Variants in GRID2 observed in about 807,000 individuals in gnomAD.
GRID2 encodes the protein glutamate receptor ionotropic, delta-2.
GRID2 carries 33 observed loss-of-function variants against 114.8 expected under a neutral mutation model. That is an observed-to-expected ratio of 0.29 (90% CI 0.22 to 0.38). GRID2 has a LOEUF of 0.38. Among genes scored for constraint, GRID2 ranks in the 10% least tolerant of loss-of-function variants. The pLI is 1.00. For synonymous variants in GRID2, 505 were observed against 449.9 expected, an observed-to-expected ratio of 1.12 and a Z score of -1.55; for missense variants, 1,184 against 1,257.7, an observed-to-expected ratio of 0.94 and a Z score of 0.89.
intron 2 of GRID2, among the ~76,000 whole-genome samples, chr4:92,718,382 T>A (rs1735645949): frequency 6.6e-6 from 1 of 152,090 alleles, no homozygotes. Flanking sequence ...AGAAAACTCC[T>A]TTTGCTTCAG....
chr4:93,115,443 A>G (rs1013579521), intron 4 of GRID2, among the ~76,000 whole-genome samples: 1 of 146,090 alleles, frequency 6.8e-6, no homozygotes. Context: ...TTTTTCTTAC[A>G]TAAATAGTTA....
chr4:92,523,755 G>T (rs757185891), intron 1 of GRID2, among the ~76,000 whole-genome samples: 13 of 152,002 alleles, frequency 8.6e-5, no homozygotes, highest in Admixed American at 3.3e-4. Flanking sequence ...ACAGAAGTGG[G>T]CTGTGTACAG....
chr4:92,779,185 A>AGTGT (rs1738946097), intron 2 of GRID2, among the ~76,000 whole-genome samples: 1 of 118,506 alleles, frequency 8.4e-6, no homozygotes. Context: ...GTAGTAAGTA[A>AGTGT]ATGTGTGTGT....
intron 13 of GRID2, among the ~76,000 whole-genome samples, chr4:93,566,843 G>A (rs1735474514): frequency 6.6e-6 from 1 of 151,376 alleles, no homozygotes; most frequent in Admixed American, 6.6e-5. Context: ...TTTTATATAT[G>A]CATTATATAT....
chr4:93,244,561 CTATTATA>C (rs576898560), intron 8 of GRID2, among the ~76,000 whole-genome samples: 38 of 29,212 alleles, frequency 1.3e-3, no homozygotes, highest in Admixed American at 1.7e-3. Context: ...ATTATATAAT[CTATTATA>C]TATTAATTAA....
At chr4:92,970,862 G>A (rs575681815) in intron 2 of GRID2, among the ~76,000 whole-genome samples, 1 of 151,898 alleles carries the variant, frequency 6.6e-6, no homozygotes, top group East Asian at 1.9e-4. Context: ...CATTGATAAA[G>A]TACCCCTTGC....
chr4:93,145,701 G>A (rs560474816), intron 4 of GRID2, among the ~76,000 whole-genome samples: 6 of 110,782 alleles, frequency 5.4e-5, no homozygotes, highest in Non-Finnish European at 1.0e-4. Flanking sequence ...TCACCATGTT[G>A]GCCAGGCTTG....
intron 2 of GRID2, among the ~76,000 whole-genome samples, chr4:92,960,282 T>C (rs1752715542): frequency 6.6e-6 from 1 of 151,998 alleles, no homozygotes; most frequent in Non-Finnish European, 1.5e-5. Context: ...ATTCAGTTCA[T>C]TGATGGTGCT....
chr4:92,556,576 G>C (rs1258789426), intron 1 of GRID2, among the ~76,000 whole-genome samples: 1 of 152,058 alleles, frequency 6.6e-6, no homozygotes, highest in Non-Finnish European at 1.5e-5. Flanking sequence ...TGTGGGTTAG[G>C]AATCTGGGTG....
At chr4:93,781,602 C>T (rs1020082980) in intron 1 of GRID2, among the ~76,000 whole-genome samples, 1 of 152,064 alleles carries the variant, frequency 6.6e-6, no homozygotes, top group Admixed American at 6.5e-5. Context: ...TGCCCAGACC[C>T]TTATATAAAA....
chr4:92,877,498 A>G (rs929830566), intron 2 of GRID2, among the ~76,000 whole-genome samples: 2 of 152,168 alleles, frequency 1.3e-5, no homozygotes, highest in Non-Finnish European at 2.9e-5. Flanking sequence ...GCGAGGCATC[A>G]TTTATCAAAA....
intron 1 of GRID2, among the ~76,000 whole-genome samples, chr4:92,453,289 A>G (rs538324362): frequency 2.6e-5 from 4 of 152,216 alleles, no homozygotes; most frequent in African/African-American, 9.6e-5. Flanking sequence ...AGTTTTTAAA[A>G]TATTTTGGCC....
At chr4:93,367,127 A>G (rs913469259) in intron 8 of GRID2, among the ~76,000 whole-genome samples, 1 of 151,828 alleles carries the variant, frequency 6.6e-6, no homozygotes, top group African/African-American at 2.4e-5. Flanking sequence ...TAGTTGTTTC[A>G]AATTATTTGA....
intron 13 of GRID2, among the ~76,000 whole-genome samples, chr4:93,527,222 G>A (rs1005616222): frequency 6.6e-6 from 1 of 152,070 alleles, no homozygotes; most frequent in Admixed American, 6.6e-5. Flanking sequence ...CAGATTAATT[G>A]TCATCTTAGG....
rs1733928969 is a variant in GRID2 at position 93,769,299 on chromosome 4, T to C, written c.2450T>C (p.Val817Ala). The C allele has an allele frequency of 6.2e-7, 1 of 1,614,092 alleles. No individual in the cohort carries two copies. Among genetic ancestry groups the C allele is most frequent in the Non-Finnish European group, 8.5e-7 (1 of 1,179,972 alleles). The stretch of plus-strand genomic sequence containing the variant: ...GGCCAGTGTGACCTGTACTCGTCAG[T>C]GGACACAAAGCAGAAAGGAGGCGCC... ...KNGQCDLYSS[V>A]DTKQKGGALD... Residue 817 changes from valine to alanine, a missense_variant, in exon 15 of 16, where the codon GTG becomes GCG. Around this residue, in one of 3 missense-constraint regions of GRID2, gnomAD observed 717 missense variants for 796.9 expected, o/e 0.90. Transcript: ENST00000282020.
intron 2 of GRID2, among the ~76,000 whole-genome samples, chr4:92,678,994 C>G (rs1733519319): frequency 6.7e-6 from 1 of 149,022 alleles, no homozygotes; most frequent in Admixed American, 6.7e-5. Flanking sequence ...TTTTAATCCT[C>G]CCAGTATCTT....
chr4:93,370,848 T>C (rs969701465), intron 8 of GRID2, among the ~76,000 whole-genome samples: 1 of 152,178 alleles, frequency 6.6e-6, no homozygotes, highest in African/African-American at 2.4e-5. Context: ...TCTTTACATC[T>C]CCTAGTTGTT....
intron 8 of GRID2, among the ~76,000 whole-genome samples, chr4:93,338,394 A>AGCATGCAAGTCGCCAATTTGCCATAGCGG: frequency 6.6e-6 from 1 of 152,092 alleles, no homozygotes; most frequent in Non-Finnish European, 1.5e-5. Flanking sequence ...TGCCATAGCG[A>AGCATGCAAGTCGCCAATTTGCCATAGCGG]AGCATGCAGT....
intron 2 of GRID2, among the ~76,000 whole-genome samples, chr4:92,774,803 C>T (rs982766048): frequency 6.6e-6 from 1 of 151,774 alleles, no homozygotes; most frequent in Non-Finnish European, 1.5e-5. Context: ...GTCATGTTGC[C>T]CAGGCTGGTC....
Sources: gnomAD v4.1 joint callset for allele counts (sites outside exome capture counted in the v4.1 genomes callset) on GRCh38, gnomAD v4.1.1 for gene constraint, gnomAD v4.1.1 regional missense constraint, MANE v1.5 for transcripts, NCBI Gene and HGNC (gene_info 2026-07-23, HGNC 2026-07-21) for gene names.